TAS2R1: variants seen among roughly 807,000 people sequenced by gnomAD.
TAS2R1 encodes the protein taste 2 receptor member 1, also known as taste receptor type 2 member 1.
For missense variants in TAS2R1, 370 were observed against 353.4 expected (o/e 1.05, Z -0.38); for synonymous variants, 141 against 134.2 (o/e 1.05, Z -0.35).
chr5:9,633,294 T>TATATA (rs1476544403), upstream of TAS2R1, among the ~76,000 whole-genome samples: 19 of 67,820 alleles, frequency 2.8e-4, no homozygotes, highest in African/African-American at 1.2e-3. Context: ...TGTGTGTATA[T>TATATA]TATATATATA....
At chr5:9,843,100 G>T in the TAS2R1 span, among the ~76,000 whole-genome samples, 4 of 152,074 alleles carry the variant, frequency 2.6e-5, no homozygotes, top group African/African-American at 9.7e-5. Flanking sequence ...CTCTTTTCCT[G>T]TCTTTTTTAA....
the TAS2R1 span, among the ~76,000 whole-genome samples, chr5:9,737,843 G>C: frequency 6.6e-6 from 1 of 152,154 alleles, no homozygotes; most frequent in Non-Finnish European, 1.5e-5. Flanking sequence ...CCAGCAAAAA[G>C]CCTCCAAAAC....
At chr5:9,673,189 G>A (rs1334385264) in intron 1 of TAS2R1, among the ~76,000 whole-genome samples, 15 of 152,032 alleles carry the variant, frequency 9.9e-5, no homozygotes, top group Admixed American at 6.6e-5. Context: ...TACCTAGTGG[G>A]TACTACTATT....
chr5:9,903,506 C>T, the TAS2R1 span: 2 of 152,040 alleles, frequency 1.3e-5, no homozygotes, highest in Admixed American at 6.6e-5. Flanking sequence ...CCCCAAAGTC[C>T]ATTGTATCAT....
chr5:9,882,467 A>T, the TAS2R1 span, among the ~76,000 whole-genome samples: 1 of 152,120 alleles, frequency 6.6e-6, no homozygotes, highest in Non-Finnish European at 1.5e-5. Context: ...CTCTAATAAA[A>T]ATACAAAAAT....
the TAS2R1 span, among the ~76,000 whole-genome samples, chr5:9,797,170 C>G: frequency 7.2e-5 from 11 of 152,154 alleles, no homozygotes; most frequent in African/African-American, 2.4e-4. Context: ...GCTTCCAACC[C>G]AGATGATTAT....
the TAS2R1 span, among the ~76,000 whole-genome samples, chr5:9,783,332 G>A: frequency 6.6e-6 from 1 of 152,188 alleles, no homozygotes; most frequent in Non-Finnish European, 1.5e-5. Context: ...GGCTGAGCTG[G>A]CCCTTGAAAT....
the TAS2R1 span, among the ~76,000 whole-genome samples, chr5:9,724,155 A>G: frequency 6.6e-6 from 1 of 152,162 alleles, no homozygotes; most frequent in South Asian, 2.1e-4. Context: ...TTGAAATGCA[A>G]CTGTGGCTGA....
chr5:9,899,826 A>G, the TAS2R1 span, among the ~76,000 whole-genome samples: 2 of 152,150 alleles, frequency 1.3e-5, no homozygotes, highest in Non-Finnish European at 2.9e-5. Flanking sequence ...TATTTGAGCA[A>G]CAAAGTTGAG....
the TAS2R1 span, among the ~76,000 whole-genome samples, chr5:9,895,217 G>A: frequency 6.6e-6 from 1 of 152,230 alleles, no homozygotes; most frequent in Non-Finnish European, 1.5e-5. Context: ...GAAGAGCTGG[G>A]ACTGCAAAAC....
intron 2 of TAS2R1, among the ~76,000 whole-genome samples, chr5:9,642,908 G>A (rs772742475): frequency 1.3e-5 from 2 of 151,992 alleles, no homozygotes; most frequent in Non-Finnish European, 2.9e-5. Context: ...GAGTTCCTCC[G>A]TGGAATTTCA....
At chr5:9,864,706 C>T in the TAS2R1 span, among the ~76,000 whole-genome samples, 2 of 151,140 alleles carry the variant, frequency 1.3e-5, no homozygotes, top group South Asian at 4.2e-4. Context: ...GCTCTATCAT[C>T]ATCCAGTTCC....
At chr5:9,638,685 A>G (rs1740015057) in intron 2 of TAS2R1, among the ~76,000 whole-genome samples, 1 of 152,178 alleles carries the variant, frequency 6.6e-6, no homozygotes. Flanking sequence ...TAAAGCTCCC[A>G]AGAATTTCTA....
chr5:9,756,712 T>C, the TAS2R1 span, among the ~76,000 whole-genome samples: 5 of 152,178 alleles, frequency 3.3e-5, no homozygotes, highest in South Asian at 4.1e-4. Context: ...TATCATGACA[T>C]TTTTATTTTA....
At chr5:9,885,597 A>G in the TAS2R1 span, among the ~76,000 whole-genome samples, 46 of 152,350 alleles carry the variant, frequency 3.0e-4, no homozygotes, top group African/African-American at 1.4e-4. Flanking sequence ...TCAGGGGGGA[A>G]AAAGAAGCTA....
At chr5:9,671,026 A>G (rs927639222) in intron 1 of TAS2R1, among the ~76,000 whole-genome samples, 6 of 152,312 alleles carry the variant, frequency 3.9e-5, no homozygotes, top group Admixed American at 1.3e-4. Context: ...CATAAACAGA[A>G]CTACAAACAA....
the TAS2R1 span, among the ~76,000 whole-genome samples, chr5:9,777,160 T>C: frequency 6.6e-6 from 1 of 152,220 alleles, no homozygotes; most frequent in African/African-American, 2.4e-5. Context: ...CAGTGAAGTT[T>C]GCTGCATCGA....
At chr5:9,896,852 C>T in the TAS2R1 span, among the ~76,000 whole-genome samples, 1 of 152,128 alleles carries the variant, frequency 6.6e-6, no homozygotes, top group Non-Finnish European at 1.5e-5. Context: ...TAAATGCACC[C>T]ACTGCTTCTG....
chr5:9,830,218 T>A, the TAS2R1 span, among the ~76,000 whole-genome samples: 1 of 150,778 alleles, frequency 6.6e-6, no homozygotes, highest in Admixed American at 6.7e-5. Flanking sequence ...GATAGACAGA[T>A]AGACAGACAG....
Sources: gnomAD v4.1 joint callset for allele counts (sites outside exome capture counted in the v4.1 genomes callset) on GRCh38, gnomAD v4.1.1 for gene constraint, MANE v1.5 for transcripts, NCBI Gene and HGNC (gene_info 2026-07-23, HGNC 2026-07-21) for gene names.